The following VPS36 variants were observed in gnomAD, a reference collection of about 807,000 sequenced individuals.
VPS36 encodes the protein vacuolar protein-sorting-associated protein 36.
A neutral mutation model predicts 63.5 loss-of-function variants in VPS36; 31 were observed. The ratio of observed to expected loss-of-function variants is 0.49; its 90% CI spans 0.37 to 0.66. The LOEUF is 0.66. Ranked by LOEUF, VPS36 falls within the 30% of genes least tolerant of loss-of-function variation. The probability of loss-of-function intolerance (pLI) is 0.00; values close to 1 mark genes in which losing one functional copy is unlikely to be tolerated. For synonymous variants in VPS36, 138 were observed against 157.2 expected, an observed-to-expected ratio of 0.88 and a Z score of 0.91; for missense variants, 338 against 463.7, an observed-to-expected ratio of 0.73 and a Z score of 2.49.
chr13:52,418,573 C>CAA (rs1201650906), intron 10 of VPS36, among the ~76,000 whole-genome samples: 277 of 30,596 alleles, frequency 9.1e-3, no homozygotes, highest in East Asian at 0.016. Flanking sequence ...GACTCCATCT[C>CAA]AAAAAAAAAA....
intron 5 of VPS36, among the ~76,000 whole-genome samples, chr13:52,434,326 T>C (rs1958191171): frequency 6.6e-6 from 1 of 152,230 alleles, no homozygotes; most frequent in South Asian, 2.1e-4. Flanking sequence ...GTCTGCTGTA[T>C]AGACAGCACT....
Position 52,425,946 on chromosome 13 carries a change from G to T in VPS36, c.760C>A (p.Gln254Lys). The T allele has an allele frequency of 6.2e-7, 1 of 1,613,112 alleles. No individual in the cohort carries two copies. The highest frequency in any genetic ancestry group is 1.1e-5 in the South Asian group (1 of 90,708). The change falls in exon 9 of 14, where the codon CAG becomes AAG. Residue 254 changes from glutamine (Q) to lysine (K), a missense_variant. By Grantham distance (53) the Gln-to-Lys change is moderately conservative. Transcript: ENST00000378060. The stretch of plus-strand genomic sequence containing the variant: ...TTAGTTTTTACCTCTAAAGGCACCT[G>T]CAATATTCCAGCCAGTTGTTTGGCC... ...QLAKQLAGILQVPLEERGGIM... is the reference protein window; with the variant it reads ...QLAKQLAGILKVPLEERGGIM...
At chr13:52,422,973 T>G (rs1315435426) in intron 10 of VPS36, among the ~76,000 whole-genome samples, 1 of 152,134 alleles carries the variant, frequency 6.6e-6, no homozygotes, top group African/African-American at 2.4e-5. Flanking sequence ...TGATAGCGAA[T>G]GTTTCTGATG....
intron 8 of VPS36, among the ~76,000 whole-genome samples, chr13:52,426,406 A>G (rs1451149369): frequency 6.6e-6 from 1 of 152,234 alleles, no homozygotes; most frequent in Admixed American, 6.5e-5. Flanking sequence ...ACTGAATGAA[A>G]CAAACATCAA....
At position 52,450,480 on chromosome 13, in the gene VPS36, A is replaced by G. The variant is rs1958391137; in HGVS notation, c.96+19T>C. ...GGTCCCTTCCGCCAGCCCGTTGGGA[A>G]GGTTGGCAGACGCCCTACCTTCTCC... On this transcript the variant is annotated intron_variant, in intron 1 of 13. Coordinates refer to ENST00000378060, the MANE Select transcript of VPS36 (RefSeq NM_016075.4). 8 of 1,581,968 alleles carry G rather than the reference A, an allele frequency of 5.1e-6. No individual in the cohort carries two copies. The highest frequency in any genetic ancestry group is 6.9e-6 in the Non-Finnish European group (8 of 1,164,698).
rs1484909420 is a variant in VPS36, at chr13:52,415,659, T to C, written c.*171A>G. 2 of 687,572 alleles carry C rather than the reference T, an allele frequency of 2.9e-6. No individual in the cohort carries two copies. Among genetic ancestry groups the C allele is most frequent in the Non-Finnish European group, 5.0e-6 (2 of 399,708 alleles). 42.6% of individuals were successfully genotyped at this position (687,572 alleles called of 1,614,324 possible). A position where few individuals can be genotyped will look rare whatever the true frequency, so the allele number is the denominator to read the frequency against. On this transcript the variant is annotated 3_prime_UTR_variant, in exon 14 of 14. Transcript: ENST00000378060. ...ACTTTTCTGAATTTTCCTATGCGTA[T>C]ACTAAATAAATTTCCTGGACCATAT...
At chr13:52,418,138 T>A in intron 10 of VPS36, 82 bp from the exon 11 acceptor site, 1 of 1,241,712 alleles carries the variant, frequency 8.1e-7, no homozygotes, top group Non-Finnish European at 1.1e-6. Context: ...AATTACCATT[T>A]ATCAATAATT....
At chr13:52,418,573 C>CAAAAAAAAAAAAAAAAAAAAAAAAAATA (rs1201650906) in intron 10 of VPS36, among the ~76,000 whole-genome samples, 3 of 31,142 alleles carry the variant, frequency 9.6e-5, no homozygotes, top group Non-Finnish European at 2.1e-4. Context: ...GACTCCATCT[C>CAAAAAAAAAAAAAAAAAAAAAAAAAATA]AAAAAAAAAA....
chr13:52,420,636 T>C (rs1401664037), intron 10 of VPS36, among the ~76,000 whole-genome samples: 1 of 151,594 alleles, frequency 6.6e-6, no homozygotes, highest in Non-Finnish European at 1.5e-5. Flanking sequence ...CCCGGCCCTA[T>C]TGTATATTTC....
At chr13:52,443,344 T>C (rs1185442778) in intron 1 of VPS36, among the ~76,000 whole-genome samples, 1 of 152,138 alleles carries the variant, frequency 6.6e-6, no homozygotes, top group African/African-American at 2.4e-5. Context: ...CTCAATGCGA[T>C]GGTATTTGGC....
intron 1 of VPS36, among the ~76,000 whole-genome samples, chr13:52,444,597 A>T (rs2137809637): frequency 6.7e-6 from 1 of 149,498 alleles, no homozygotes; most frequent in Admixed American, 6.7e-5. Flanking sequence ...TATATATGAA[A>T]AGTAAATAAA....
chr13:52,415,879 G>C lies in VPS36; in HGVS notation c.1112C>G (p.Ser371Ter), dbSNP rs1453931504. 1 of 1,613,980 alleles carries C rather than the reference G, an allele frequency of 6.2e-7. No individual in the cohort carries two copies. Among genetic ancestry groups the C allele is most frequent in the Non-Finnish European group, 8.5e-7 (1 of 1,179,994 alleles). Residue 371 changes from serine (S) to a stop codon, truncating the protein, a stop_gained, in exon 14 of 14, where the codon TCA (serine) becomes TGA (stop). Transcript: ENST00000378060. LOFTEE classifies it high-confidence loss of function. ...TGGGTAAAAACGCAGGCCTTCCACT[G>C]AGTCATCACGGCAAAGATGGCCCAT... Reference protein sequence around the residue: ...EKMGHLCRDDSVEGLRFYPNL... With the variant: ...EKMGHLCRDD
At chr13:52,447,977 T>C (rs909836955) in intron 1 of VPS36, among the ~76,000 whole-genome samples, 1 of 152,172 alleles carries the variant, frequency 6.6e-6, no homozygotes, top group Non-Finnish European at 1.5e-5. Context: ...TTCAGTAAAA[T>C]ACCTCATATT....
chr13:52,419,978 T>C (rs1435692300), intron 10 of VPS36, among the ~76,000 whole-genome samples: 1 of 152,092 alleles, frequency 6.6e-6, no homozygotes, highest in Non-Finnish European at 1.5e-5. Context: ...CAGTGGCCCA[T>C]GCCTGTAATC....
At chr13:52,439,795 C>T (rs1471874760) in intron 2 of VPS36, among the ~76,000 whole-genome samples, 4 of 151,986 alleles carry the variant, frequency 2.6e-5, no homozygotes, top group Non-Finnish European at 5.9e-5. Flanking sequence ...ACATTTTACT[C>T]GTAATATTTT....
intron 4 of VPS36, 89 bp from the exon 5 acceptor site, chr13:52,434,971 CT>C (rs869257101): frequency 0.18 from 144,520 of 792,874 alleles, 4 homozygotes; most frequent in South Asian, 0.21. Context: ...TTCTTTTTTT[CT>C]TTTTTTTTTT....
chr13:52,436,207 TAAC>T (rs1958213540), intron 4 of VPS36, 80 bp downstream of exon 4: 4 of 685,120 alleles, frequency 5.8e-6, no homozygotes, highest in Middle Eastern at 7.2e-4. Flanking sequence ...TCCATCATAT[TAAC>T]AAGCCACAAC....
chr13:52,442,264 A>G, intron 2 of VPS36, 113 bp downstream of exon 2: 1 of 899,742 alleles, frequency 1.1e-6, no homozygotes, highest in South Asian at 2.9e-5. Context: ...GGCCAGGAGA[A>G]TCACTTGAGC....
chr13:52,424,897 A>C (rs1958083623), intron 9 of VPS36, among the ~76,000 whole-genome samples: 1 of 152,020 alleles, frequency 6.6e-6, no homozygotes, highest in Non-Finnish European at 1.5e-5. Context: ...CTGAGGCAGG[A>C]GAATCGCTTG....
Sources: gnomAD v4.1 joint callset for allele counts (sites outside exome capture counted in the v4.1 genomes callset) on GRCh38, gnomAD v4.1.1 for gene constraint, MANE v1.5 for transcripts, NCBI Gene and HGNC (gene_info 2026-07-23, HGNC 2026-07-21) for gene names.